Variants in KIF26B observed in about 807,000 individuals in gnomAD.
KIF26B encodes the protein kinesin-like protein KIF26B.
In KIF26B, 63 loss-of-function variants were observed where a neutral mutation model predicts 151.2. That is an observed-to-expected ratio of 0.42 (90% CI 0.34 to 0.51). KIF26B has a LOEUF of 0.51. KIF26B is among the 20% of genes least tolerant of loss of function. The pLI is 0.07. For synonymous variants in KIF26B, 1,357 were observed against 1,262.1 expected, an observed-to-expected ratio of 1.08 and a Z score of -1.59; for missense variants, 2,813 against 2,913.6, an observed-to-expected ratio of 0.97 and a Z score of 0.79.
chr1:245,238,298 T>G (rs1018508611), intron 2 of KIF26B, among the ~76,000 whole-genome samples: 2 of 152,156 alleles, frequency 1.3e-5, no homozygotes, highest in South Asian at 4.1e-4. Flanking sequence ...ATCGCACCAC[T>G]GTGCTCCAGC....
chr1:245,544,296 A>G (rs1316707467), intron 5 of KIF26B, among the ~76,000 whole-genome samples: 1 of 152,238 alleles, frequency 6.6e-6, no homozygotes, highest in Non-Finnish European at 1.5e-5. Flanking sequence ...TGAGGTAGAC[A>G]AGTTTGATGG....
At chr1:245,198,398 T>G (rs1558342086) in intron 2 of KIF26B, among the ~76,000 whole-genome samples, 1 of 152,098 alleles carries the variant, frequency 6.6e-6, no homozygotes, top group Non-Finnish European at 1.5e-5. Flanking sequence ...TAAATAAAGA[T>G]GTAAAGTGAT....
intron 4 of KIF26B, among the ~76,000 whole-genome samples, chr1:245,477,986 C>T (rs547219081): frequency 2.0e-5 from 3 of 151,864 alleles, no homozygotes; most frequent in African/African-American, 7.2e-5. Context: ...AAACACACAC[C>T]CACACACGTC....
At chr1:245,478,502 A>C (rs540531024) in intron 4 of KIF26B, among the ~76,000 whole-genome samples, 2 of 140,898 alleles carry the variant, frequency 1.4e-5, no homozygotes, top group East Asian at 4.1e-4. Context: ...ATCTCGGCTC[A>C]CTGCAAGCTC....
intron 10 of KIF26B, among the ~76,000 whole-genome samples, chr1:245,649,727 T>TC (rs1391265299): frequency 6.0e-5 from 9 of 150,334 alleles, no homozygotes; most frequent in Admixed American, 2.0e-4. Flanking sequence ...TTCATTTGTC[T>TC]CCCCAGACAA....
chr1:245,492,887 T>C (rs1183216489), intron 4 of KIF26B, among the ~76,000 whole-genome samples: 1 of 152,138 alleles, frequency 6.6e-6, no homozygotes, highest in African/African-American at 2.4e-5. Flanking sequence ...TTCAAGCGAT[T>C]CTCCTGCCTC....
At chr1:245,396,962 CTTT>C (rs551332249) in intron 3 of KIF26B, among the ~76,000 whole-genome samples, 1 of 94,284 alleles carries the variant, frequency 1.1e-5, no homozygotes, top group Non-Finnish European at 1.9e-5. Context: ...ATTTCTACTC[CTTT>C]TTTTTTTTTT....
chr1:245,567,002 G>A (rs1010558887), intron 5 of KIF26B, among the ~76,000 whole-genome samples: 2 of 152,120 alleles, frequency 1.3e-5, no homozygotes, highest in Non-Finnish European at 2.9e-5. Flanking sequence ...AAAAGCACGG[G>A]CTTAAACTGC....
At chr1:245,566,556 A>G (rs2043011725) in intron 5 of KIF26B, among the ~76,000 whole-genome samples, 1 of 152,268 alleles carries the variant, frequency 6.6e-6, no homozygotes, top group Non-Finnish European at 1.5e-5. Context: ...AAAGAGAAAA[A>G]CAAAGAAATT....
intron 9 of KIF26B, among the ~76,000 whole-genome samples, chr1:245,621,758 A>G (rs2043664024): frequency 6.6e-6 from 1 of 152,172 alleles, no homozygotes; most frequent in South Asian, 2.1e-4. Flanking sequence ...GCCTGTGCTG[A>G]CTCACCTTGT....
intron 10 of KIF26B, among the ~76,000 whole-genome samples, chr1:245,675,244 C>A (rs2044344115): frequency 1.3e-5 from 2 of 152,272 alleles, no homozygotes; most frequent in South Asian, 4.2e-4. Context: ...AGCCTTGTAT[C>A]CAGAGTTGTT....
chr1:245,474,421 GTTT>G (rs148335679), intron 4 of KIF26B, among the ~76,000 whole-genome samples: 20 of 133,144 alleles, frequency 1.5e-4, no homozygotes, highest in South Asian at 2.5e-4. Flanking sequence ...TTTTGTTGTT[GTTT>G]TTTTTTTTTT....
At chr1:245,599,979 G>A (rs2043374949) in intron 5 of KIF26B, among the ~76,000 whole-genome samples, 1 of 151,878 alleles carries the variant, frequency 6.6e-6, no homozygotes, top group African/African-American at 2.4e-5. Flanking sequence ...ATCCCCCACA[G>A]TATCCTGCTT....
chr1:245,609,635 C>G, intron 8 of KIF26B, 107 bp downstream of exon 8: 1 of 1,228,282 alleles, frequency 8.1e-7, no homozygotes, highest in East Asian at 2.7e-5. Flanking sequence ...CAGAGGCTTA[C>G]GGGTGTTTAC....
At chr1:245,509,674 A>C (rs554236586) in intron 4 of KIF26B, among the ~76,000 whole-genome samples, 2 of 152,198 alleles carry the variant, frequency 1.3e-5, no homozygotes, top group African/African-American at 4.8e-5. Context: ...CAGCTCAATC[A>C]GAATCTTTGG....
intron 4 of KIF26B, among the ~76,000 whole-genome samples, chr1:245,457,663 T>G (rs1164358430): frequency 6.6e-6 from 1 of 152,248 alleles, no homozygotes; most frequent in Non-Finnish European, 1.5e-5. Context: ...TTTCATGCTT[T>G]GATGACATAA....
At chr1:245,535,161 C>T (rs1156614611) in intron 4 of KIF26B, among the ~76,000 whole-genome samples, 1 of 152,136 alleles carries the variant, frequency 6.6e-6, no homozygotes, top group African/African-American at 2.4e-5. Flanking sequence ...AATGATTTCT[C>T]AACCTTAACC....
chr1:245,217,864 C>T (rs952583418), intron 2 of KIF26B, among the ~76,000 whole-genome samples: 32 of 152,216 alleles, frequency 2.1e-4, no homozygotes, highest in African/African-American at 6.0e-4. Flanking sequence ...CACCCACATG[C>T]GCCATCCCAT....
rs1396136745 is a variant in KIF26B at position 245,520,528 on chromosome 1, C to CCATCCACCCATT, written c.1167-20233_1167-20232insCCCATTCATCCA. Among the ~76,000 whole-genome samples the CCATCCACCCATT allele has an allele frequency of 1.5e-4, 22 of 149,868 alleles. No individual in the cohort carries two copies. The East Asian group carries it at 2.4e-3, about 16-fold the overall frequency. The stretch of plus-strand genomic sequence containing the variant: ...ACAATCTATTCATCCATCCATCCAT[C>CCATCCACCCATT]CATCCATCCATCCACCCATTCATCC... On this transcript the variant is annotated intron_variant, in intron 4 of 14. Coordinates refer to ENST00000407071, the MANE Select transcript of KIF26B (RefSeq NM_018012.4).
Sources: gnomAD v4.1 joint callset for allele counts (sites outside exome capture counted in the v4.1 genomes callset) on GRCh38, gnomAD v4.1.1 for gene constraint, MANE v1.5 for transcripts, NCBI Gene and HGNC (gene_info 2026-07-23, HGNC 2026-07-21) for gene names.